HNRNPLL: variants seen among roughly 807,000 people sequenced by gnomAD.
HNRNPLL encodes heterogeneous nuclear ribonucleoprotein L-like.
Under a neutral mutation model 67.1 loss-of-function variants are expected in HNRNPLL, and 25 were observed. The ratio of observed to expected loss-of-function variants is 0.37; its 90% confidence interval spans 0.27 to 0.52. The LOEUF (loss-of-function observed/expected upper bound fraction) is 0.52, where lower values mean the gene tolerates loss of function less well. Among genes scored for constraint, HNRNPLL ranks in the 20% least tolerant of loss-of-function variants. The pLI is 0.90. For synonymous variants in HNRNPLL, 267 were observed against 241.7 expected, an observed-to-expected ratio of 1.10 and a Z score of -0.97; for missense variants, 542 against 673.9, an observed-to-expected ratio of 0.80 and a Z score of 2.17.
chr2:38,579,361 T>TA (rs1666429297), intron 6 of HNRNPLL, among the ~76,000 whole-genome samples: 2 of 152,072 alleles, frequency 1.3e-5, no homozygotes, highest in African/African-American at 4.8e-5. Flanking sequence ...TATACATATG[T>TA]AACTAACCTG....
intron 1 of HNRNPLL, among the ~76,000 whole-genome samples, chr2:38,591,911 G>A (rs930024945): frequency 3.3e-5 from 5 of 152,062 alleles, no homozygotes; most frequent in Admixed American, 1.3e-4. Flanking sequence ...GGGAGGTGGA[G>A]GCTGCAGTGA....
chr2:38,598,007 A>T (rs1319614208), intron 1 of HNRNPLL, among the ~76,000 whole-genome samples: 5 of 152,180 alleles, frequency 3.3e-5, no homozygotes, highest in African/African-American at 1.2e-4. Context: ...ACTTTTTAAA[A>T]AACAAACTTT....
At position 38,592,179 on chromosome 2, in the gene HNRNPLL, G is replaced by C. The variant is rs1472002411; in HGVS notation, c.190-531C>G. On this transcript the variant is annotated intron_variant, in intron 1 of 12. Transcript: ENST00000449105. ...ATTCTATCTCAGTAAGAAGTACAAA[G>C]ATGTTATTTAATAATATTTCAACTT... is the stretch of plus-strand genomic sequence containing the variant. Among the ~76,000 whole-genome samples the C allele has an allele frequency of 2.6e-5, 4 of 152,120 alleles. No individual in the cohort carries two copies. In the East Asian group the frequency reaches 7.7e-4, roughly 29 times the overall value.
Position 38,573,446 on chromosome 2 carries a change from T to C in HNRNPLL, c.875-19A>G. On this transcript the variant is annotated intron_variant, in intron 7 of 12. Transcript: ENST00000449105. The stretch of plus-strand genomic sequence containing the variant: ...TGGGATCCTATAAAAATGATCAAAA[T>C]AAATAAATTAGTTAACATATACACA... 4.0e-6 allele frequency: 6 copies of C among 1,503,450 alleles called. No homozygotes were observed. Among genetic ancestry groups the C allele is most frequent in the East Asian group, 2.3e-5 (1 of 44,086 alleles). The allele number at this position is 1,503,450 out of a possible 1,614,324, so 93.1% of individuals were successfully genotyped here.
chr2:38,572,455 A>T (rs1326357503), intron 8 of HNRNPLL, among the ~76,000 whole-genome samples: 1 of 152,142 alleles, frequency 6.6e-6, no homozygotes, highest in Non-Finnish European at 1.5e-5. Context: ...ACATTACTAC[A>T]GTACTAAAAC....
intron 1 of HNRNPLL, among the ~76,000 whole-genome samples, chr2:38,597,898 A>C (rs932151962): frequency 1.3e-5 from 2 of 152,066 alleles, no homozygotes; most frequent in Non-Finnish European, 2.9e-5. Context: ...CATCTTGGCC[A>C]GGCTGGTCTT....
chr2:38,571,264 A>G (rs1378205684), intron 8 of HNRNPLL, among the ~76,000 whole-genome samples: 1 of 152,208 alleles, frequency 6.6e-6, no homozygotes, highest in Non-Finnish European at 1.5e-5. Flanking sequence ...TAAATGATCT[A>G]CTATAATAAA....
At chr2:38,591,698 G>C in intron 1 of HNRNPLL, 50 bp from the exon 2 acceptor site, 1 of 1,203,900 alleles carries the variant, frequency 8.3e-7, no homozygotes, top group Non-Finnish European at 1.2e-6. Flanking sequence ...GTCTAAGGCC[G>C]AACGCGGTGG....
At chr2:38,589,803 C>T (rs1011985889) in intron 2 of HNRNPLL, among the ~76,000 whole-genome samples, 2 of 152,092 alleles carry the variant, frequency 1.3e-5, no homozygotes, top group Non-Finnish European at 2.9e-5. Context: ...TTTATATTTG[C>T]TCATCAACTT....
chr2:38,595,028 G>C (rs1312773364), intron 1 of HNRNPLL, among the ~76,000 whole-genome samples: 1 of 151,876 alleles, frequency 6.6e-6, no homozygotes, highest in Non-Finnish European at 1.5e-5. Flanking sequence ...TGTAATCCTA[G>C]CACTCTGGGA....
intron 9 of HNRNPLL, 78 bp from the exon 10 acceptor site, chr2:38,569,412 A>G: frequency 9.7e-7 from 1 of 1,032,112 alleles, no homozygotes; most frequent in Non-Finnish European, 1.5e-6. Flanking sequence ...ATGCTAATAT[A>G]TTTTGCTTGC....
intron 6 of HNRNPLL, among the ~76,000 whole-genome samples, chr2:38,579,055 A>C (rs1402310456): frequency 6.6e-6 from 1 of 152,080 alleles, no homozygotes; most frequent in Non-Finnish European, 1.5e-5. Context: ...CAAACACTAA[A>C]TACAAATCCT....
At chr2:38,577,657 T>C (rs1182774252) in intron 6 of HNRNPLL, 125 bp from the exon 7 acceptor site, 7 of 656,596 alleles carry the variant, frequency 1.1e-5, no homozygotes, top group African/African-American at 5.4e-5. Flanking sequence ...CGATTCCTGG[T>C]TAACTTTAAA....
At chr2:38,595,295 AAAG>A (rs1164810480) in intron 1 of HNRNPLL, among the ~76,000 whole-genome samples, 20 of 143,708 alleles carry the variant, frequency 1.4e-4, no homozygotes, top group African/African-American at 5.2e-4. Context: ...AAAAAAAAAA[AAAG>A]AAAAGAAAAA....
chr2:38,565,920 T>C, intron 12 of HNRNPLL: 1 of 640,136 alleles, frequency 1.6e-6, no homozygotes, highest in Non-Finnish European at 1.9e-6. Flanking sequence ...AAAGCTAGAA[T>C]ATTTTAAAGC....
In HNRNPLL at chr2:38,591,479, G is replaced by T. The variant is rs763553538; in HGVS notation, c.308+51C>A. On this transcript the variant is annotated intron_variant, in intron 2 of 12. Transcript: ENST00000449105. ...ATCAAGGCTTGTAACAAGCAAGCAA[G>T]GATTATTCTACCACAGTTTTCAATC... 5.3e-6 allele frequency: 5 copies of T among 946,362 alleles called. No homozygotes were observed. The African/African-American group carries it at 6.5e-5, about 12-fold the overall frequency. The allele number at this position is 946,362 out of a possible 1,614,324, so 58.6% of individuals were successfully genotyped here. A position where few individuals can be genotyped will look rare whatever the true frequency, so the allele number is the denominator to read the frequency against.
chr2:38,596,745 T>C (rs1042689154), intron 1 of HNRNPLL, among the ~76,000 whole-genome samples: 4 of 152,180 alleles, frequency 2.6e-5, no homozygotes, highest in Non-Finnish European at 4.4e-5. Context: ...GCCCAAGTTA[T>C]TTCCATTTCA....
intron 1 of HNRNPLL, among the ~76,000 whole-genome samples, chr2:38,597,881 G>T (rs1667268965): frequency 1.3e-5 from 2 of 151,882 alleles, no homozygotes; most frequent in African/African-American, 4.8e-5. Flanking sequence ...TAGAGACGAG[G>T]TTTCACCATC....
Position 38,563,440 on chromosome 2 carries a change from T to G in HNRNPLL, c.*742A>C, listed in dbSNP as rs1167947857. 1 of 152,108 alleles carries G rather than the reference T, an allele frequency of 6.6e-6. No individual in the cohort carries two copies. The highest frequency in any genetic ancestry group is 1.5e-5 in the Non-Finnish European group (1 of 67,948). 9.4% of individuals were successfully genotyped at this position (152,108 alleles called of 1,614,324 possible). On this transcript the variant is annotated 3_prime_UTR_variant, in exon 13 of 13. Coordinates refer to ENST00000449105, the MANE Select transcript of HNRNPLL (RefSeq NM_138394.4). ...AGGAACTGTTAATTATAACCTCTAT[T>G]AAAATCTCAATGCCAAATACTAGCT... is the stretch of plus-strand genomic sequence containing the variant.
Sources: gnomAD v4.1 joint callset for allele counts (sites outside exome capture counted in the v4.1 genomes callset) on GRCh38, gnomAD v4.1.1 for gene constraint, MANE v1.5 for transcripts, NCBI Gene and HGNC (gene_info 2026-07-23, HGNC 2026-07-21) for gene names.